ARHGAP24: variants seen among roughly 807,000 people sequenced by gnomAD.
The protein encoded by ARHGAP24 is rho GTPase-activating protein 24.
A neutral mutation model predicts 76.4 loss-of-function variants in ARHGAP24; 50 were observed. That is an observed-to-expected ratio of 0.65 (90% CI 0.52 to 0.83). ARHGAP24 has a LOEUF of 0.83. Ranked by LOEUF, ARHGAP24 falls within the 40% of genes least tolerant of loss-of-function variation. ARHGAP24 has a pLI of 0.00. For missense variants in ARHGAP24, 930 were observed against 914.2 expected (o/e 1.02, Z -0.22); for synonymous variants, 345 against 323.3 (o/e 1.07, Z -0.72).
intron 3 of ARHGAP24, among the ~76,000 whole-genome samples, chr4:85,836,241 G>T (rs565501231): frequency 6.6e-6 from 1 of 152,164 alleles, no homozygotes; most frequent in Non-Finnish European, 1.5e-5. Flanking sequence ...TGAAGTGTCA[G>T]GGAAATGTCC....
At chr4:85,685,862 A>G (rs1037801608) in intron 2 of ARHGAP24, among the ~76,000 whole-genome samples, 2 of 152,240 alleles carry the variant, frequency 1.3e-5, no homozygotes, top group Non-Finnish European at 2.9e-5. Context: ...AGAAATTTGT[A>G]GAAAGTTTGA....
At chr4:85,835,502 G>T (rs1010792436) in intron 3 of ARHGAP24, among the ~76,000 whole-genome samples, 1 of 146,778 alleles carries the variant, frequency 6.8e-6, no homozygotes, top group African/African-American at 2.5e-5. Context: ...CTTGCAGTGG[G>T]CCGAGATCGC....
At chr4:85,741,142 A>G (rs901816627) in intron 3 of ARHGAP24, among the ~76,000 whole-genome samples, 3 of 152,206 alleles carry the variant, frequency 2.0e-5, no homozygotes, top group Admixed American at 2.0e-4. Context: ...AGAAAAATCT[A>G]AACAAACCAA....
intron 3 of ARHGAP24, among the ~76,000 whole-genome samples, chr4:85,886,997 A>T (rs1172699127): frequency 6.6e-6 from 1 of 152,092 alleles, no homozygotes; most frequent in Admixed American, 6.6e-5. Context: ...GATTGCATTG[A>T]CTAGCTTTGG....
At chr4:85,874,148 A>G (rs2601865) in intron 3 of ARHGAP24, among the ~76,000 whole-genome samples, 1 of 152,190 alleles carries the variant, frequency 6.6e-6, no homozygotes, top group African/African-American at 2.4e-5. Context: ...CAACGATAAC[A>G]ATCTGTACAA....
chr4:85,530,558 A>C (rs1041107953), intron 1 of ARHGAP24, among the ~76,000 whole-genome samples: 2 of 151,126 alleles, frequency 1.3e-5, no homozygotes, highest in African/African-American at 4.9e-5. Context: ...TTTTTCCAAT[A>C]AACACTCACA....
At chr4:85,568,363 T>G (rs1299094745) in intron 1 of ARHGAP24, among the ~76,000 whole-genome samples, 1 of 152,078 alleles carries the variant, frequency 6.6e-6, no homozygotes, top group Non-Finnish European at 1.5e-5. Context: ...AAGGTCCCAT[T>G]TAACTTTATA....
At chr4:85,856,541 G>A in intron 3 of ARHGAP24, among the ~76,000 whole-genome samples, 1 of 148,192 alleles carries the variant, frequency 6.7e-6, no homozygotes, top group Admixed American at 6.9e-5. Context: ...CATGACCTGG[G>A]CTCACTGCAA....
At chr4:85,820,469 CA>C (rs1729421187) in intron 3 of ARHGAP24, among the ~76,000 whole-genome samples, 1 of 152,078 alleles carries the variant, frequency 6.6e-6, no homozygotes, top group African/African-American at 2.4e-5. Flanking sequence ...GAACAACAGA[CA>C]CTAGGCCCTA....
intron 2 of ARHGAP24, among the ~76,000 whole-genome samples, chr4:85,595,621 C>G (rs1262062385): frequency 6.6e-6 from 1 of 151,760 alleles, no homozygotes; most frequent in Non-Finnish European, 1.5e-5. Context: ...GTTAGATAAC[C>G]AGGATGGGTG....
At chr4:85,566,755 A>G (rs1726864303) in intron 1 of ARHGAP24, among the ~76,000 whole-genome samples, 1 of 152,186 alleles carries the variant, frequency 6.6e-6, no homozygotes, top group Admixed American at 6.5e-5. Flanking sequence ...ATAAACAACT[A>G]AAGACATAGC....
At chr4:85,575,427 T>C (rs1454751677) in intron 2 of ARHGAP24, among the ~76,000 whole-genome samples, 1 of 152,220 alleles carries the variant, frequency 6.6e-6, no homozygotes, top group African/African-American at 2.4e-5. Flanking sequence ...ACAAATTTCA[T>C]TGTATTTACA....
intron 3 of ARHGAP24, among the ~76,000 whole-genome samples, chr4:85,874,342 T>A (rs1032046165): frequency 3.3e-5 from 5 of 152,188 alleles, no homozygotes; most frequent in African/African-American, 1.2e-4. Context: ...GGTGTAGACT[T>A]CCGAATTAAT....
chr4:85,992,314 C>A (rs1740384017), intron 8 of ARHGAP24, among the ~76,000 whole-genome samples: 1 of 151,492 alleles, frequency 6.6e-6, no homozygotes, highest in South Asian at 2.1e-4. Context: ...ATTTATTGTC[C>A]CAGAGACTAG....
intron 2 of ARHGAP24, among the ~76,000 whole-genome samples, chr4:85,622,822 T>C (rs1198859599): frequency 1.3e-5 from 2 of 152,234 alleles, no homozygotes; most frequent in African/African-American, 4.8e-5. Flanking sequence ...CATTGTGGTT[T>C]TGATTTGCAT....
At chr4:85,628,223 C>A (rs896985413) in intron 2 of ARHGAP24, among the ~76,000 whole-genome samples, 3 of 152,096 alleles carry the variant, frequency 2.0e-5, no homozygotes, top group Non-Finnish European at 4.4e-5. Flanking sequence ...TGGCTCCTCC[C>A]CCTTAATTTC....
chr4:85,782,764 T>C (rs1034132183), intron 3 of ARHGAP24, among the ~76,000 whole-genome samples: 1 of 152,234 alleles, frequency 6.6e-6, no homozygotes, highest in African/African-American at 2.4e-5. Context: ...AGTATGTTCC[T>C]ACATATTGGC....
intron 2 of ARHGAP24, among the ~76,000 whole-genome samples, chr4:85,681,764 G>A (rs1158912063): frequency 1.3e-5 from 2 of 152,216 alleles, no homozygotes; most frequent in Non-Finnish European, 2.9e-5. Context: ...AGCTGTCTAA[G>A]CTGGACAGAA....
At chr4:85,496,770 G>A (rs549925189) in intron 1 of ARHGAP24, among the ~76,000 whole-genome samples, 31 of 152,284 alleles carry the variant, frequency 2.0e-4, no homozygotes, top group South Asian at 4.1e-4. Flanking sequence ...GTCTAACTAC[G>A]GACACTAGCA....
Sources: gnomAD v4.1 joint callset for allele counts (sites outside exome capture counted in the v4.1 genomes callset) on GRCh38, gnomAD v4.1.1 for gene constraint, MANE v1.5 for transcripts, NCBI Gene and HGNC (gene_info 2026-07-23, HGNC 2026-07-21) for gene names.